MMS22L: variants seen among roughly 807,000 people sequenced by gnomAD.
MMS22L encodes the protein protein MMS22-like.
A neutral mutation model predicts 159.1 loss-of-function variants in MMS22L; 74 were observed. The ratio of observed to expected loss-of-function variants is 0.47; its 90% CI spans 0.39 to 0.56. MMS22L has a LOEUF of 0.56. MMS22L is among the 20% of genes least tolerant of loss of function. The pLI, the probability that MMS22L is intolerant of heterozygous loss-of-function variation, is 0.00. For missense variants in MMS22L, 1,351 were observed against 1,422.1 expected (o/e 0.95, Z 0.80); for synonymous variants, 517 against 506.9 (o/e 1.02, Z -0.27).
At chr6:97,163,154 CAT>C (rs1267929618) in intron 21 of MMS22L, among the ~76,000 whole-genome samples, 4 of 151,894 alleles carry the variant, frequency 2.6e-5, no homozygotes, top group African/African-American at 7.2e-5. Flanking sequence ...CTAGAACAAA[CAT>C]ATATTGGGCG....
Position 97,218,532 on chromosome 6 carries a change from T to C in MMS22L, c.2039+10362A>G, listed in dbSNP as rs7771632. Among the ~76,000 whole-genome samples the C allele has an allele frequency of 8.4e-3, 1,284 of 152,280 alleles. 20 individuals carry two copies. The highest frequency in any genetic ancestry group is 0.029 in the African/African-American group (1,225 of 41,544). On this transcript the variant is annotated intron_variant, in intron 14 of 24. Coordinates refer to ENST00000683635, the MANE Select transcript of MMS22L (RefSeq NM_001350599.2). ...TTCATGTGACTGGTTCACTGATATATCCTAAGTGCCTACTATCATAGTAGG... is the reference window on the plus strand; with the variant it reads ...TTCATGTGACTGGTTCACTGATATACCCTAAGTGCCTACTATCATAGTAGG...
At chr6:97,244,865 C>A (rs1269989584) in intron 11 of MMS22L, among the ~76,000 whole-genome samples, 1 of 152,034 alleles carries the variant, frequency 6.6e-6, no homozygotes, top group African/African-American at 2.4e-5. Context: ...GGGCTTGATG[C>A]GACCACTGTG....
chr6:97,272,642 A>G (rs1815860297), intron 6 of MMS22L, 62 bp downstream of exon 6: 1 of 1,417,702 alleles, frequency 7.1e-7, no homozygotes, highest in Non-Finnish European at 9.7e-7. Context: ...TCCTTCTTGA[A>G]TGAATACTCC....
chr6:97,202,884 A>C (rs1033496470), intron 14 of MMS22L, among the ~76,000 whole-genome samples: 1 of 152,194 alleles, frequency 6.6e-6, no homozygotes, highest in Non-Finnish European at 1.5e-5. Flanking sequence ...TATACTACTA[A>C]TCAAGGGATG....
chr6:97,152,592 A>T (rs1402788437), intron 22 of MMS22L, among the ~76,000 whole-genome samples: 1 of 152,130 alleles, frequency 6.6e-6, no homozygotes, highest in African/African-American at 2.4e-5. Flanking sequence ...GAATAAAAAA[A>T]AGTTCAGAAA....
chr6:97,211,663 C>T (rs944425065), intron 14 of MMS22L, among the ~76,000 whole-genome samples: 1 of 152,110 alleles, frequency 6.6e-6, no homozygotes, highest in East Asian at 1.9e-4. Context: ...ATTCTTCTGA[C>T]ATCTATTTTT....
At chr6:97,185,545 G>C (rs1805137086) in intron 15 of MMS22L, among the ~76,000 whole-genome samples, 1 of 152,110 alleles carries the variant, frequency 6.6e-6, no homozygotes, top group Non-Finnish European at 1.5e-5. Flanking sequence ...GCTTAAACTG[G>C]CTGAATATCA....
At chr6:97,270,432 T>C (rs978828404) in intron 6 of MMS22L, 4 of 325,770 alleles carry the variant, frequency 1.2e-5, no homozygotes, top group African/African-American at 6.6e-5. Context: ...TAGACATTAT[T>C]GTCATCTCAT....
intron 12 of MMS22L, among the ~76,000 whole-genome samples, chr6:97,232,821 C>T (rs554742403): frequency 1.3e-5 from 2 of 152,184 alleles, no homozygotes; most frequent in South Asian, 2.1e-4. Context: ...TCTTCCATTA[C>T]CATTTTCTAT....
intron 22 of MMS22L, 28 bp from the exon 23 acceptor site, chr6:97,151,895 ACT>A: frequency 1.3e-6 from 2 of 1,563,696 alleles, no homozygotes; most frequent in South Asian, 2.2e-5. Context: ...AGCATTAGGC[ACT>A]GTGTCTGAAT....
chr6:97,149,369 TAA>T (rs1247629462), intron 24 of MMS22L, among the ~76,000 whole-genome samples: 1 of 151,972 alleles, frequency 6.6e-6, no homozygotes, highest in Non-Finnish European at 1.5e-5. Context: ...ATGAGCCTAT[TAA>T]AAAAAAGTCT....
At chr6:97,218,928 C>T (rs1582662844) in intron 14 of MMS22L, among the ~76,000 whole-genome samples, 1 of 152,160 alleles carries the variant, frequency 6.6e-6, no homozygotes, top group East Asian at 1.9e-4. Context: ...GCTAGTGCTA[C>T]CCTACTGGAC....
intron 11 of MMS22L, among the ~76,000 whole-genome samples, chr6:97,244,014 T>C (rs1325637888): frequency 6.6e-6 from 1 of 152,218 alleles, no homozygotes; most frequent in Non-Finnish European, 1.5e-5. Flanking sequence ...GTTGCAGTTT[T>C]GTTTAGTACA....
chr6:97,151,863 T>G lies in MMS22L; in HGVS notation c.3390A>C (p.Lys1130Asn), dbSNP rs748641230. Residue 1130 changes from lysine to asparagine, a missense_variant, in exon 23 of 25, where the codon AAA (lysine) becomes AAC (asparagine). Physicochemically the swap from Lys to Asn is moderately conservative, Grantham distance 94. Transcript: ENST00000683635. ...CLVLVSEPQV[K>N]RLATENLQYM... ...ATTGCAGGTTCTCTGTGGCCAGCCTTTTAACTAGAAGGAAAAATTACAGCA... is the reference window on the plus strand; with the variant it reads ...ATTGCAGGTTCTCTGTGGCCAGCCTGTTAACTAGAAGGAAAAATTACAGCA... 6.2e-7 allele frequency: 1 copy of G among 1,613,340 alleles called. No individual in the cohort carries two copies. Among genetic ancestry groups the G allele is most frequent in the South Asian group, 1.1e-5 (1 of 91,046 alleles).
intron 7 of MMS22L, among the ~76,000 whole-genome samples, chr6:97,269,199 A>AT (rs1166612997): frequency 1.3e-5 from 2 of 152,150 alleles, no homozygotes; most frequent in Admixed American, 6.5e-5. Flanking sequence ...GAAATTGCAG[A>AT]TAAAAAAAAG....
chr6:97,228,894 C>A lies in MMS22L; in HGVS notation c.2039G>T (p.Arg680Met). 1 of 1,602,482 alleles carries A rather than the reference C, an allele frequency of 6.2e-7. No individual in the cohort carries two copies. The highest frequency in any genetic ancestry group is 8.5e-7 in the Non-Finnish European group (1 of 1,174,082). ...SFLQAVLARI[R>M]SMHQQLCQEL... The stretch of plus-strand genomic sequence containing the variant: ...ATTAGCATACAACTGAAAACCATAC[C>A]TGATTCTGGCCAGAACAGCTTGTAG... Residue 680 changes from arginine (R) to methionine (M), a missense_variant and splice_region_variant, in exon 14 of 25, where the codon AGG (arginine) becomes ATG (methionine). Transcript: ENST00000683635.
intron 12 of MMS22L, among the ~76,000 whole-genome samples, chr6:97,232,642 G>C (rs1339208430): frequency 6.6e-6 from 1 of 151,850 alleles, no homozygotes; most frequent in Non-Finnish European, 1.5e-5. Flanking sequence ...TACCTTTCCT[G>C]CTTTCTGGTA....
intron 19 of MMS22L, among the ~76,000 whole-genome samples, chr6:97,171,204 G>A (rs1255010886): frequency 6.6e-6 from 1 of 151,982 alleles, no homozygotes; most frequent in Non-Finnish European, 1.5e-5. Context: ...CAAAATACAT[G>A]ACAATGGGAA....
intron 19 of MMS22L, among the ~76,000 whole-genome samples, chr6:97,169,491 T>C (rs1406692756): frequency 2.0e-5 from 3 of 151,650 alleles, no homozygotes; most frequent in Non-Finnish European, 4.4e-5. Context: ...AAATAAAGAG[T>C]TTAAAATTTA....
Sources: allele counts gnomAD v4.1 joint callset (sites outside exome capture counted in the v4.1 genomes callset), GRCh38; gene constraint gnomAD v4.1.1; transcripts MANE v1.5; gene names NCBI Gene and HGNC (gene_info 2026-07-23, HGNC 2026-07-21).